The following SPATA1 variants were observed in gnomAD, a reference collection of about 807,000 sequenced individuals.
SPATA1 encodes the protein spermatogenesis-associated protein 1.
In SPATA1, 57 loss-of-function variants were observed where a neutral mutation model predicts 59.6. The observed-to-expected ratio is 0.96, with a 90% CI of 0.77 to 1.19. The LOEUF is 1.19. SPATA1 is among the 50% of genes most tolerant of loss of function. The pLI, the probability that SPATA1 is intolerant of heterozygous loss-of-function variation, is 0.00. For missense variants in SPATA1, 448 were observed against 480.7 expected (o/e 0.93, Z 0.64); for synonymous variants, 147 against 163.9 (o/e 0.90, Z 0.79).
exon 5 of SPATA1, chr1:84,566,062 T>C: frequency 1.7e-6 from 2 of 1,168,064 alleles, no homozygotes. Context: ...CGTGTGCATA[T>C]TACGTCAGAT....
downstream of SPATA1, among the ~76,000 whole-genome samples, chr1:84,558,014 C>A (rs1684498627): frequency 6.6e-6 from 1 of 151,974 alleles, no homozygotes; most frequent in Non-Finnish European, 1.5e-5. Flanking sequence ...TTACCAGAGG[C>A]TGGGGGTGGG....
At chr1:84,531,168 T>C (rs1683448845) in intron 6 of SPATA1, among the ~76,000 whole-genome samples, 1 of 152,130 alleles carries the variant, frequency 6.6e-6, no homozygotes, top group East Asian at 1.9e-4. Context: ...TGTTTTGTTT[T>C]GCCTTGTTTT....
chr1:84,550,170 T>C lies in SPATA1; in HGVS notation c.1126-262T>C, dbSNP rs1247795467. 1.3e-5 allele frequency: 3 copies of C among 234,032 alleles called. No individual in the cohort carries two copies. In the East Asian group the frequency reaches 2.3e-4, roughly 18 times the overall value. 14.5% of individuals were successfully genotyped at this position (234,032 alleles called of 1,614,324 possible). A position where few individuals can be genotyped will look rare whatever the true frequency, so the allele number is the denominator to read the frequency against. The stretch of plus-strand genomic sequence containing the variant: ...TTTAAAGTCTTGCTAATAACTAAGA[T>C]ATTATTCCTTTCATAGTAATAGTTG... On this transcript the variant is annotated intron_variant, in intron 11 of 12. Transcript: ENST00000490879.
intron 1 of SPATA1, among the ~76,000 whole-genome samples, chr1:84,510,095 A>C (rs1682470590): frequency 6.6e-6 from 1 of 152,152 alleles, no homozygotes; most frequent in African/African-American, 2.4e-5. Flanking sequence ...GAACCTGCAG[A>C]GGTCAAGGCT....
downstream of SPATA1, chr1:84,556,077 C>T (rs1684421571): frequency 6.6e-6 from 1 of 152,160 alleles, no homozygotes; most frequent in Non-Finnish European, 1.5e-5. Context: ...ACTTAACATA[C>T]ACCTGATTAT....
At chr1:84,522,294 C>A in intron 3 of SPATA1, 96 bp from the exon 4 acceptor site, 1 of 624,230 alleles carries the variant, frequency 1.6e-6, no homozygotes. Flanking sequence ...TTAAATCAAC[C>A]TTTGTGTTTG....
At chr1:84,515,803 A>G (rs1173793776) in intron 1 of SPATA1, among the ~76,000 whole-genome samples, 1 of 152,162 alleles carries the variant, frequency 6.6e-6, no homozygotes, top group Non-Finnish European at 1.5e-5. Flanking sequence ...GAAGAAATGT[A>G]TATGATATAA....
At chr1:84,554,475 A>T (rs937247115) in exon 13 of SPATA1, 3 of 153,762 alleles carry the variant, frequency 2.0e-5, no homozygotes, top group African/African-American at 7.2e-5. Context: ...TACTATATGG[A>T]GTCAGGAAGC....
At chr1:84,534,590 TC>T (rs1351889060) in intron 8 of SPATA1, among the ~76,000 whole-genome samples, 1 of 151,160 alleles carries the variant, frequency 6.6e-6, no homozygotes, top group Non-Finnish European at 1.5e-5. Flanking sequence ...CAGAGTTCAG[TC>T]TTAACCATTT....
chr1:84,563,911 G>A, intron 4 of SPATA1: 1 of 1,421,328 alleles, frequency 7.0e-7, no homozygotes, highest in Non-Finnish European at 9.2e-7. Context: ...CAACCGTTCA[G>A]AATCTGTTTG....
chr1:84,532,774 A>G, intron 6 of SPATA1, 86 bp from the exon 7 acceptor site: 1 of 810,062 alleles, frequency 1.2e-6, no homozygotes, highest in Non-Finnish European at 2.0e-6. Context: ...ATAAGATTAT[A>G]GTGTACATGT....
chr1:84,518,893 T>C (rs76944900), intron 2 of SPATA1, among the ~76,000 whole-genome samples: 1,695 of 152,212 alleles, frequency 0.011, 11 homozygotes, highest in Non-Finnish European at 0.017. Flanking sequence ...TATTTTTTCC[T>C]AGCAATTACC....
chr1:84,565,953 A>G (rs1684691966), exon 5 of SPATA1: 1 of 1,597,312 alleles, frequency 6.3e-7, no homozygotes, highest in East Asian at 2.3e-5. Context: ...CTGCGATTCC[A>G]GTATAATTAT....
At chr1:84,510,902 AG>A (rs1284483817) in intron 1 of SPATA1, among the ~76,000 whole-genome samples, 5 of 152,250 alleles carry the variant, frequency 3.3e-5, no homozygotes, top group Non-Finnish European at 7.3e-5. Context: ...TAAGTGAAAA[AG>A]CCAGACACAG....
intron 1 of SPATA1, among the ~76,000 whole-genome samples, chr1:84,508,825 A>C (rs939323106): frequency 1.3e-5 from 2 of 152,206 alleles, no homozygotes; most frequent in Admixed American, 6.5e-5. Context: ...AATATATACA[A>C]TAGCTACAAA....
At chr1:84,538,870 G>A (rs1683810528) in intron 8 of SPATA1, among the ~76,000 whole-genome samples, 1 of 152,178 alleles carries the variant, frequency 6.6e-6, no homozygotes, top group Admixed American at 6.5e-5. Context: ...AGTGTTCACA[G>A]CTCACTGCAG....
chr1:84,565,766 C>T, intron 4 of SPATA1, 95 bp from the exon 14 acceptor site: 1 of 856,738 alleles, frequency 1.2e-6, no homozygotes, highest in Non-Finnish European at 1.6e-6. Flanking sequence ...CTTAGAAATA[C>T]TAAAAACATC....
downstream of SPATA1, chr1:84,555,169 A>G: frequency 6.2e-7 from 1 of 1,613,832 alleles, no homozygotes; most frequent in Non-Finnish European, 8.5e-7. Flanking sequence ...GGGTTATCAT[A>G]CCATACTTGA....
chr1:84,541,614 T>G (rs1683906384), intron 8 of SPATA1, among the ~76,000 whole-genome samples: 1 of 152,016 alleles, frequency 6.6e-6, no homozygotes, highest in Non-Finnish European at 1.5e-5. Context: ...TAAAAATTTC[T>G]GTTTTATAGT....
Sources: allele counts gnomAD v4.1 joint callset (sites outside exome capture counted in the v4.1 genomes callset), GRCh38; gene constraint gnomAD v4.1.1; transcripts MANE v1.5; gene names NCBI Gene and HGNC (gene_info 2026-07-23, HGNC 2026-07-21).